SRSF2: variants seen among roughly 807,000 people sequenced by gnomAD.
SRSF2 encodes serine/arginine-rich splicing factor 2.
In SRSF2, 4 loss-of-function variants were observed where a neutral mutation model predicts 15.7. The ratio of observed to expected loss-of-function variants is 0.26; its 90% CI spans 0.13 to 0.58. SRSF2 has a LOEUF of 0.58. Ranked by LOEUF, SRSF2 falls within the 20% of genes least tolerant of loss-of-function variation. SRSF2 has a pLI of 0.90. For synonymous variants in SRSF2, 192 were observed against 138.9 expected (o/e 1.38, Z -2.69); for missense variants, 147 against 332.4 (o/e 0.44, Z 4.34).
chr17:76,736,674 G>C, intron 1 of SRSF2, 125 bp downstream of exon 1: 2 of 1,232,624 alleles, frequency 1.6e-6, no homozygotes, highest in Non-Finnish European at 2.1e-6. Flanking sequence ...AGGGTCGCGA[G>C]ACGCGGCGTG....
rs549741156 is a variant in SRSF2, at chr17:76,737,308, G to C, written c.-148C>G. 25 of 1,158,364 alleles carry C rather than the reference G, an allele frequency of 2.2e-5. No homozygotes were observed. Among genetic ancestry groups the C allele is most frequent in the South Asian group, 1.7e-4 (10 of 58,450 alleles). 71.8% of individuals were successfully genotyped at this position (1,158,364 alleles called of 1,614,324 possible). A position where few individuals can be genotyped will look rare whatever the true frequency, so the allele number is the denominator to read the frequency against. Reference sequence around the variant, plus strand: ...CAGAACAGCACGGACGGGCTCCGCAGGCTAGCGCACCTGAGTAACAACTGG... The same window carrying C: ...CAGAACAGCACGGACGGGCTCCGCACGCTAGCGCACCTGAGTAACAACTGG... On this transcript the variant is annotated 5_prime_UTR_variant, in exon 1 of 3. Transcript: ENST00000359995.
intron 2 of SRSF2, chr17:76,735,845 C>A: frequency 1.9e-6 from 1 of 534,376 alleles, no homozygotes; most frequent in South Asian, 1.7e-5. Flanking sequence ...CAATACTGGC[C>A]AATATTCTTT....
Position 76,734,323 on chromosome 17 carries a change from G to A in SRSF2, c.*843C>T, listed in dbSNP as rs11087. On this transcript the variant is annotated 3_prime_UTR_variant, in exon 3 of 3. Coordinates refer to ENST00000359995, the MANE Select transcript of SRSF2 (RefSeq NM_001195427.2). ...TTTTAGGGGGAAGAGGGAAAAAAAG[G>A]TGTATTTATCATCAGCTAGATGTGC... 1 of 235,712 alleles carries A rather than the reference G, an allele frequency of 4.2e-6. No individual in the cohort carries two copies. The highest frequency in any genetic ancestry group is 8.7e-6 in the Non-Finnish European group (1 of 114,610). The allele number at this position is 235,712 out of a possible 1,614,324, so 14.6% of individuals were successfully genotyped here.
Position 76,736,888 on chromosome 17 carries a change from G to A in SRSF2, c.273C>T (p.Arg91=), listed in dbSNP as rs1260518269. The A allele has an allele frequency of 1.1e-5, 17 of 1,611,854 alleles. No homozygotes were observed. Among genetic ancestry groups the A allele is most frequent in the Non-Finnish European group, 1.4e-5 (16 of 1,179,508 alleles). The part of the protein sequence containing the change: ...DGRELRVQMA[R]YGRPPDSHHS... ...GGTGTGAGTCCGGGGGGCGGCCGTA[G>A]CGCGCCATTTGCACCCGCAGCTCGC... The change falls in exon 1 of 3, where the codon CGC becomes CGT. Residue 91 remains arginine (R), a synonymous_variant. Coordinates refer to ENST00000359995, the MANE Select transcript of SRSF2 (RefSeq NM_001195427.2).
intron 2 of SRSF2, 54 bp downstream of exon 2, chr17:76,736,100 C>T (rs2077451740): frequency 1.3e-6 from 2 of 1,513,172 alleles, no homozygotes; most frequent in African/African-American, 1.4e-5. Flanking sequence ...AAAAGACCTA[C>T]CCCAAATCCC....
intron 2 of SRSF2, chr17:76,735,382 A>G (rs1223490649): frequency 4.6e-6 from 1 of 217,086 alleles, no homozygotes; most frequent in Non-Finnish European, 9.3e-6. Context: ...AAGGTGAAGA[A>G]AGGTAAGGGG....
chr17:76,734,480 A>C lies in SRSF2; in HGVS notation c.*686T>G, dbSNP rs567412711. Reference sequence around the variant, plus strand: ...CTTTACACAGGAGCAATCGGGAGAAAACAGGAAACAGCCAAGCACTCTGCA... The same window carrying C: ...CTTTACACAGGAGCAATCGGGAGAACACAGGAAACAGCCAAGCACTCTGCA... On this transcript the variant is annotated 3_prime_UTR_variant, in exon 3 of 3. Transcript: ENST00000359995. 5.0e-5 allele frequency: 12 copies of C among 239,862 alleles called. No individual in the cohort carries two copies. The South Asian group carries it at 7.3e-4, about 15-fold the overall frequency. The allele number at this position is 239,862 out of a possible 1,614,324, so 14.9% of individuals were successfully genotyped here.
chr17:76,735,086 C>A lies in SRSF2; in HGVS notation c.*80G>T, dbSNP rs896811257. On this transcript the variant is annotated 3_prime_UTR_variant, in exon 3 of 3. Transcript: ENST00000359995. The stretch of plus-strand genomic sequence containing the variant: ...CTTTTCAATAGCCAGTTGCTTGTTC[C>A]AAGGACTCTTCTTCGATGGACTATG... The A allele has an allele frequency of 4.6e-6, 1 of 219,736 alleles. No homozygotes were observed. The highest frequency in any genetic ancestry group is 2.2e-5 in the African/African-American group (1 of 44,524). The allele number at this position is 219,736 out of a possible 1,614,324, so 13.6% of individuals were successfully genotyped here.
In SRSF2 at chr17:76,737,073, G is replaced by A; in HGVS notation, c.88C>T (p.Leu30=). 6.2e-7 allele frequency: 1 copy of A among 1,612,960 alleles called. No individual in the cohort carries two copies. Among genetic ancestry groups the A allele is most frequent in the Non-Finnish European group, 8.5e-7 (1 of 1,179,560 alleles). ...CCGTACTTCTCGAAGACGCGCCTCA[G>A]CGTGTCGGGCGAGGTGCGGTAGGTC... is the stretch of plus-strand genomic sequence containing the variant. ...NLTYRTSPDT[L]RRVFEKYGRV... The change falls in exon 1 of 3, where the codon CTG becomes TTG. Residue 30 remains leucine (L), a synonymous_variant. Transcript: ENST00000359995.
intron 1 of SRSF2, 57 bp from the exon 2 acceptor site, chr17:76,736,521 C>T (rs769242167): frequency 3.2e-6 from 5 of 1,551,052 alleles, no homozygotes; most frequent in East Asian, 4.6e-5. Context: ...GGGCCGGCCC[C>T]GCCCGCGCGC....
intron 2 of SRSF2, 181 bp downstream of exon 2, chr17:76,735,973 C>T (rs139806967): frequency 2.3e-5 from 15 of 642,742 alleles, no homozygotes; most frequent in Middle Eastern, 2.5e-4. Flanking sequence ...CCATTATTAT[C>T]TAAGCTTCAT....
chr17:76,736,265 G>C lies in SRSF2; in HGVS notation c.562C>G (p.Arg188Gly), dbSNP rs2143924838. 1.2e-6 allele frequency: 2 copies of C among 1,614,196 alleles called. No homozygotes were observed. Among genetic ancestry groups the C allele is most frequent in the Non-Finnish European group, 1.7e-6 (2 of 1,180,020 alleles). ...RSRSRSRSRS[R>G]SRSPPPVSKR... ...GACACTGGGGGAGGACTCCTGGACC[G>C]AGACCGGGACCTGGACCGCGAACGA... Residue 188 changes from arginine to glycine, a missense_variant, in exon 2 of 3, where the codon CGG (arginine) becomes GGG (glycine). By Grantham distance (125) the Arg-to-Gly change is moderately radical. Around this residue, in one of 2 missense-constraint regions of SRSF2, gnomAD observed 125 missense variants for 185.1 expected, o/e 0.68. Transcript: ENST00000359995.
chr17:76,735,117 CT>C lies in SRSF2; in HGVS notation c.*48del, dbSNP rs1246605616. ...CTCTTCTTCGATGGACTATGTGGTC[CT>C]TTTTCCCCAAGTCCTCCGTTTACAC... is the stretch of plus-strand genomic sequence containing the variant. On this transcript the variant is annotated 3_prime_UTR_variant, in exon 3 of 3. Coordinates refer to ENST00000359995, the MANE Select transcript of SRSF2 (RefSeq NM_001195427.2). 1.4e-5 allele frequency: 3 copies of C among 219,266 alleles called. No individual in the cohort carries two copies. The highest frequency in any genetic ancestry group is 2.7e-5 in the Non-Finnish European group (3 of 109,172). The allele number at this position is 219,266 out of a possible 1,614,324, so 13.6% of individuals were successfully genotyped here.
intron 2 of SRSF2, 89 bp downstream of exon 2, chr17:76,736,065 G>A (rs1187858476): frequency 6.8e-6 from 9 of 1,323,840 alleles, no homozygotes; most frequent in Middle Eastern, 1.9e-4. Context: ...AATGATAGGA[G>A]TCATTCTTAC....
chr17:76,735,116 C>A lies in SRSF2; in HGVS notation c.*50G>T. On this transcript the variant is annotated 3_prime_UTR_variant, in exon 3 of 3. Transcript: ENST00000359995. ...ACTCTTCTTCGATGGACTATGTGGTCCTTTTTCCCCAAGTCCTCCGTTTAC... is the reference window on the plus strand; with the variant it reads ...ACTCTTCTTCGATGGACTATGTGGTACTTTTTCCCCAAGTCCTCCGTTTAC... 1 of 219,464 alleles carries A rather than the reference C, an allele frequency of 4.6e-6. No individual in the cohort carries two copies. 13.6% of individuals were successfully genotyped at this position (219,464 alleles called of 1,614,324 possible). A position where few individuals can be genotyped will look rare whatever the true frequency, so the allele number is the denominator to read the frequency against.
At chr17:76,735,913 G>T (rs2077439334) in intron 2 of SRSF2, 1 of 607,120 alleles carries the variant, frequency 1.6e-6, no homozygotes, top group East Asian at 3.1e-5. Flanking sequence ...GATAAAAACA[G>T]CAAGAAATAG....
In SRSF2 at chr17:76,736,877, G is replaced by T. The variant is rs751713049; in HGVS notation, c.284C>A (p.Pro95His). 157 of 1,610,816 alleles carry T rather than the reference G, an allele frequency of 9.7e-5. No individual in the cohort carries two copies. Among genetic ancestry groups the T allele is most frequent in the Non-Finnish European group, 1.1e-4 (134 of 1,178,968 alleles). Residue 95 changes from proline to histidine, a missense_variant, in exon 1 of 3, where the codon CCC becomes CAC. Around this residue, in one of 2 missense-constraint regions of SRSF2, gnomAD observed 125 missense variants for 185.1 expected, o/e 0.68. Coordinates refer to ENST00000359995, the MANE Select transcript of SRSF2 (RefSeq NM_001195427.2). ...CCGGCGGCTGTGGTGTGAGTCCGGG[G>T]GGCGGCCGTAGCGCGCCATTTGCAC... ...LRVQMARYGR[P>H]PDSHHSRRGP...
At position 76,734,786 on chromosome 17, in the gene SRSF2, G is replaced by T; in HGVS notation, c.*380C>A. 1 of 238,496 alleles carries T rather than the reference G, an allele frequency of 4.2e-6. No homozygotes were observed. Among genetic ancestry groups the T allele is most frequent in the Non-Finnish European group, 8.9e-6 (1 of 112,244 alleles). The allele number at this position is 238,496 out of a possible 1,614,324, so 14.8% of individuals were successfully genotyped here. On this transcript the variant is annotated 3_prime_UTR_variant, in exon 3 of 3. Transcript: ENST00000359995. ...TGAGTCAATCTCTTGACAGCTTTAG[G>T]CTGTGTGTAATGGCTGCACACGTTT...
Sources: gnomAD v4.1 joint callset for allele counts on GRCh38, gnomAD v4.1.1 for gene constraint, gnomAD v4.1.1 regional missense constraint, MANE v1.5 for transcripts, NCBI Gene and HGNC (gene_info 2026-07-23, HGNC 2026-07-21) for gene names.